The following SQSTM1 variants were observed in gnomAD, a reference collection of about 807,000 sequenced individuals.
The protein encoded by SQSTM1 is sequestosome-1.
Under a neutral mutation model 45.1 loss-of-function variants are expected in SQSTM1, and 36 were observed. The ratio of observed to expected loss-of-function variants is 0.80; its 90% CI spans 0.61 to 1.05. The LOEUF (loss-of-function observed/expected upper bound fraction) is 1.05. SQSTM1 is among the 50% of genes least tolerant of loss of function. The pLI, the probability that SQSTM1 is intolerant of heterozygous loss-of-function variation, is 0.00. For missense variants in SQSTM1, 617 were observed against 607.1 expected (o/e 1.02, Z -0.17); for synonymous variants, 290 against 244.3 (o/e 1.19, Z -1.74).
At chr5:179,820,881 A>C (rs1352529919), upstream of SQSTM1, 5 of 1,415,078 alleles carry the variant, frequency 3.5e-6, no homozygotes, top group East Asian at 3.0e-5. Flanking sequence ...TCGCTACAAA[A>C]GCCGCGCGGC....
chr5:179,817,736 C>G (rs897434667), upstream of SQSTM1, among the ~76,000 whole-genome samples: 1 of 152,238 alleles, frequency 6.6e-6, no homozygotes, highest in Non-Finnish European at 1.5e-5. Context: ...CCTGGCCGGG[C>G]GGGTGGCTCA....
intron 2 of SQSTM1, 32 bp from the exon 3 acceptor site, chr5:179,823,826 C>G: frequency 6.2e-7 from 1 of 1,603,604 alleles, no homozygotes; most frequent in Non-Finnish European, 8.5e-7. Flanking sequence ...TAGGGGGTCC[C>G]ACCCTAGCGG....
chr5:179,831,870 G>A (rs549608726), intron 5 of SQSTM1, among the ~76,000 whole-genome samples: 28 of 150,750 alleles, frequency 1.9e-4, no homozygotes, highest in Admixed American at 1.5e-3. Flanking sequence ...TGCAACCTCC[G>A]CCTCCCAGGT....
At chr5:179,833,526 C>T (rs1290150852) in intron 6 of SQSTM1, 61 bp from the exon 7 acceptor site, 4 of 1,579,648 alleles carry the variant, frequency 2.5e-6, no homozygotes, top group East Asian at 2.2e-5. Context: ...GAGCCAGGGC[C>T]ATGGTCAGGC....
intron 7 of SQSTM1, among the ~76,000 whole-genome samples, chr5:179,834,153 GAGA>G (rs1194051904): frequency 1.1e-4 from 10 of 89,138 alleles, no homozygotes; most frequent in African/African-American, 5.7e-4. Flanking sequence ...GTGCTGGTCT[GAGA>G]GGGGGGGGGG....
chr5:179,837,361 T>G lies in SQSTM1; in HGVS notation c.*768T>G, dbSNP rs759005945. 3.8e-6 allele frequency: 6 copies of G among 1,581,234 alleles called. No individual in the cohort carries two copies. On this transcript the variant is annotated 3_prime_UTR_variant, in exon 8 of 8. Transcript: ENST00000389805. The stretch of plus-strand genomic sequence containing the variant: ...GGAACCCTGTCCCTCCTAACAAGTG[T>G]ATCTCGATTAATAACCTGCCAGTCC...
At chr5:179,811,089 C>T (rs553636961) in intron 1 of SQSTM1, among the ~76,000 whole-genome samples, 6 of 152,040 alleles carry the variant, frequency 3.9e-5, no homozygotes, top group South Asian at 2.1e-4. Flanking sequence ...AAAAATTAGC[C>T]GGGAGTGGTG....
intron 1 of SQSTM1, chr5:179,808,567 C>T (rs538926493): frequency 6.6e-6 from 1 of 152,314 alleles, no homozygotes; most frequent in South Asian, 2.1e-4. Flanking sequence ...CCTGTAATCC[C>T]AGCACTTTGT....
Position 179,820,942 on chromosome 5 carries a change from G to C in SQSTM1, c.6G>C (p.Ala2=). 1 of 1,552,742 alleles carries C rather than the reference G, an allele frequency of 6.4e-7. No homozygotes were observed. The highest frequency in any genetic ancestry group is 8.7e-7 in the Non-Finnish European group (1 of 1,155,358). M[A]SLTVKAYLLG... ...CCGCCAGCTCGCCGCTCGCTATGGC[G>C]TCGCTCACCGTGAAGGCCTACCTTC... Residue 2 remains alanine, a synonymous_variant, in exon 1 of 8, where the codon GCG becomes GCC. Transcript: ENST00000389805.
intron 5 of SQSTM1, among the ~76,000 whole-genome samples, chr5:179,831,900 C>T (rs1304422183): frequency 2.0e-5 from 3 of 151,820 alleles, no homozygotes; most frequent in Admixed American, 1.3e-4. Flanking sequence ...TCTTCTGCCT[C>T]GGCCTCCCGA....
At chr5:179,830,675 A>T (rs1328929039) in intron 5 of SQSTM1, among the ~76,000 whole-genome samples, 1 of 151,950 alleles carries the variant, frequency 6.6e-6, no homozygotes, top group Non-Finnish European at 1.5e-5. Context: ...TTTCTGCCTC[A>T]GCCTCCCGAG....
chr5:179,811,154 A>G (rs1352055767), intron 1 of SQSTM1, among the ~76,000 whole-genome samples: 1 of 151,592 alleles, frequency 6.6e-6, no homozygotes, highest in Non-Finnish European at 1.5e-5. Context: ...AATAGCTTCA[A>G]CCTGTGAGGC....
Position 179,837,310 on chromosome 5 carries a change from C to CAGAGT in SQSTM1, c.*719_*723dup. 1 of 1,598,764 alleles carries CAGAGT rather than the reference C, an allele frequency of 6.3e-7. No homozygotes were observed. Among genetic ancestry groups the CAGAGT allele is most frequent in the Non-Finnish European group, 8.5e-7 (1 of 1,172,436 alleles). On this transcript the variant is annotated 3_prime_UTR_variant, in exon 8 of 8. Transcript: ENST00000389805. ...GTAAGTTTATTGTTAATGGTTCTTA[C>CAGAGT]AGAGTATCTTTAAAAGTGCCTTAGG...
At chr5:179,834,166 G>T (rs576805367) in intron 7 of SQSTM1, among the ~76,000 whole-genome samples, 1,743 of 132,048 alleles carry the variant, frequency 0.013, 30 homozygotes, top group Middle Eastern at 0.034. Context: ...AGGGGGGGGG[G>T]TCATAGCCAA....
chr5:179,824,950 T>G (rs1757933156), intron 4 of SQSTM1, among the ~76,000 whole-genome samples, 196 bp from the exon 5 acceptor site: 1 of 147,564 alleles, frequency 6.8e-6, no homozygotes, highest in African/African-American at 2.5e-5. Context: ...CACGGGAGAG[T>G]GGAGATGCTC....
chr5:179,820,694 A>G (rs1757738931), upstream of SQSTM1: 5 of 438,208 alleles, frequency 1.1e-5, no homozygotes, highest in Admixed American at 2.3e-4. Flanking sequence ...GCACCGGGGC[A>G]ATGAAGAGAG....
chr5:179,811,181 C>G (rs1462080950), intron 1 of SQSTM1, among the ~76,000 whole-genome samples: 1 of 151,646 alleles, frequency 6.6e-6, no homozygotes, highest in East Asian at 1.9e-4. Context: ...TTCAGTGAGC[C>G]GAGATCGCAC....
chr5:179,834,155 GA>G (rs151204777), intron 7 of SQSTM1, among the ~76,000 whole-genome samples: 5,465 of 89,778 alleles, frequency 0.061, 239 homozygotes, highest in African/African-American at 0.16. Context: ...GCTGGTCTGA[GA>G]GGGGGGGGGG....
intron 1 of SQSTM1, among the ~76,000 whole-genome samples, chr5:179,808,778 C>A (rs1757298464): frequency 6.6e-6 from 1 of 151,982 alleles, no homozygotes; most frequent in Non-Finnish European, 1.5e-5. Flanking sequence ...CATAGTGACA[C>A]CTCATCTCAT....
Sources: allele counts gnomAD v4.1 joint callset (sites outside exome capture counted in the v4.1 genomes callset), GRCh38; gene constraint gnomAD v4.1.1; transcripts MANE v1.5; gene names NCBI Gene and HGNC (gene_info 2026-07-23, HGNC 2026-07-21).